Variants in CFAP44 observed in about 807,000 individuals in gnomAD.
CFAP44 encodes cilia- and flagella-associated protein 44.
CFAP44 carries 134 observed loss-of-function variants against 216.2 expected under a neutral mutation model. The observed-to-expected ratio is 0.62, with a 90% CI of 0.54 to 0.72. The LOEUF (loss-of-function observed/expected upper bound fraction) is 0.72. Ranked by LOEUF, CFAP44 falls within the 30% of genes least tolerant of loss-of-function variation. The probability of loss-of-function intolerance (pLI) is 0.00; values close to 1 mark genes in which losing one functional copy is unlikely to be tolerated. For missense variants in CFAP44, 2,035 were observed against 2,182.1 expected (o/e 0.93, Z 1.34); for synonymous variants, 700 against 727.6 (o/e 0.96, Z 0.61).
At chr3:113,414,852 G>T (rs893025446) in intron 6 of CFAP44, among the ~76,000 whole-genome samples, 3 of 152,116 alleles carry the variant, frequency 2.0e-5, no homozygotes, top group Non-Finnish European at 4.4e-5. Flanking sequence ...TCCGGTTTTG[G>T]TATCAGGATG....
intron 21 of CFAP44, 95 bp from the exon 22 acceptor site, chr3:113,358,970 C>T (rs2107308641): frequency 7.3e-7 from 1 of 1,374,374 alleles, no homozygotes; most frequent in East Asian, 2.6e-5. Flanking sequence ...TGCATCATAA[C>T]TCTTCCCCAA....
chr3:113,383,752 C>T (rs1426002389), intron 15 of CFAP44, among the ~76,000 whole-genome samples: 1 of 152,026 alleles, frequency 6.6e-6, no homozygotes, highest in Non-Finnish European at 1.5e-5. Context: ...AATAGCTGAC[C>T]TTTTTTAAAA....
At chr3:113,370,901 T>C (rs186000405) in intron 18 of CFAP44, among the ~76,000 whole-genome samples, 113 of 151,476 alleles carry the variant, frequency 7.5e-4, no homozygotes, top group South Asian at 1.7e-3. Context: ...ACAAAATCAA[T>C]GTACAAAAAT....
At chr3:113,366,350 GA>G in intron 18 of CFAP44, 41 bp from the exon 19 acceptor site, 1 of 1,569,222 alleles carries the variant, frequency 6.4e-7, no homozygotes, top group Non-Finnish European at 8.6e-7. Context: ...CCATTAATCT[GA>G]AAATAATGCT....
At chr3:113,320,776 G>A (rs1455888057) in intron 28 of CFAP44, among the ~76,000 whole-genome samples, 2 of 151,988 alleles carry the variant, frequency 1.3e-5, no homozygotes, top group Admixed American at 6.6e-5. Flanking sequence ...TAGGCTGGGA[G>A]GCTAGGCCAG....
At chr3:113,416,696 G>T (rs12630518) in intron 5 of CFAP44, 69 bp from the exon 6 acceptor site, 1 of 1,094,990 alleles carries the variant, frequency 9.1e-7, no homozygotes, top group Non-Finnish European at 1.3e-6. Context: ...GATTAATGCA[G>T]TATTTAGCAT....
chr3:113,352,201 ACTCTGTAAAATGGACCAATCAGCG>A (rs1302336820), intron 22 of CFAP44, among the ~76,000 whole-genome samples: 5 of 152,186 alleles, frequency 3.3e-5, no homozygotes, highest in East Asian at 3.8e-4. Context: ...CACAATCAGC[ACTCTGTAAAATGGACCAATCAGCG>A]CTCTGTAAAA....
At chr3:113,406,442 G>T (rs369011724) in intron 8 of CFAP44, among the ~76,000 whole-genome samples, 14 of 152,236 alleles carry the variant, frequency 9.2e-5, no homozygotes, top group African/African-American at 3.4e-4. Flanking sequence ...GGCTAACACG[G>T]TGAAACCCCG....
rs1317406866 is a variant in CFAP44 at position 113,416,606 on chromosome 3, A to C, written c.592T>G (p.Phe198Val). 6.2e-7 allele frequency: 1 copy of C among 1,611,038 alleles called. No individual in the cohort carries two copies. Among genetic ancestry groups the C allele is most frequent in the South Asian group, 1.1e-5 (1 of 90,718 alleles). Residue 198 changes from phenylalanine to valine, a missense_variant, in exon 6 of 35, where the codon TTC becomes GTC. By Grantham distance (50) the Phe-to-Val change is conservative. Around this residue, in one of 3 missense-constraint regions of CFAP44, gnomAD observed 1,883 missense variants for 2,023.7 expected, o/e 0.93. Transcript: ENST00000393845. ...VIGVHPHKTY[F>V]TVAEKGSFPD... is the part of the protein sequence containing the mutation. The stretch of plus-strand genomic sequence containing the variant: ...AAACTCCCTTTTTCAGCTACTGTGA[A>C]ATAAGTTTTATGTGGATGAACCTAC...
rs950534360 is a variant in CFAP44 at position 113,401,529 on chromosome 3, T to G, written c.1326+55A>C. ...GTAGCCAAATCAATCATACTACTAC[T>G]TTAATTTTTGGTCCATGTAATGTTA... On this transcript the variant is annotated intron_variant, in intron 10 of 34. Transcript: ENST00000393845. 1.7e-5 allele frequency: 27 copies of G among 1,595,364 alleles called. No individual in the cohort carries two copies. The Middle Eastern group carries it at 6.1e-4, about 36-fold the overall frequency.
At chr3:113,410,345 G>A (rs1262594833) in intron 6 of CFAP44, among the ~76,000 whole-genome samples, 1 of 151,938 alleles carries the variant, frequency 6.6e-6, no homozygotes, top group Non-Finnish European at 1.5e-5. Flanking sequence ...TCCCCTTCCT[G>A]TGTCCAAGTG....
chr3:113,327,766 C>G lies in CFAP44; in HGVS notation c.4170G>C (p.Gln1390His). ...TCATCTGAGTATCTAGTTTTAGTTT[C>G]TGATGTCTAAGGAGACGGAGTTCTG... ...FDAELRLLRH[Q>H]KLKLDTQMKL... The change falls in exon 27 of 35, where the codon CAG becomes CAC. Residue 1390 changes from glutamine (Q) to histidine (H), a missense_variant. Gln to His is a conservative substitution (Grantham distance 24). Around this residue, in one of 3 missense-constraint regions of CFAP44, gnomAD observed 1,883 missense variants for 2,023.7 expected, o/e 0.93. Coordinates refer to ENST00000393845, the MANE Select transcript of CFAP44 (RefSeq NM_001164496.2). 6.5e-7 allele frequency: 1 copy of G among 1,536,928 alleles called. No individual in the cohort carries two copies. Among genetic ancestry groups the G allele is most frequent in the Non-Finnish European group, 8.7e-7 (1 of 1,146,712 alleles).
At chr3:113,362,739 C>A in intron 21 of CFAP44, 2 of 345,112 alleles carry the variant, frequency 5.8e-6, no homozygotes, top group South Asian at 1.2e-4. Flanking sequence ...AGCAAAAGAT[C>A]AAATCGGGAT....
At chr3:113,345,551 A>G (rs1367861615) in intron 22 of CFAP44, among the ~76,000 whole-genome samples, 1 of 152,182 alleles carries the variant, frequency 6.6e-6, no homozygotes, top group Non-Finnish European at 1.5e-5. Flanking sequence ...ACATTTAATG[A>G]AAGTCCCAAT....
chr3:113,409,154 T>C lies in CFAP44; in HGVS notation c.842A>G (p.Asn281Ser). 3 of 1,614,110 alleles carry C rather than the reference T, an allele frequency of 1.9e-6. No homozygotes were observed. Among genetic ancestry groups the C allele is most frequent in the Non-Finnish European group, 2.5e-6 (3 of 1,180,016 alleles). ...AGTAAGCTGCTCTTCCTTATCAGGA[T>C]TGAAAGTAACCTTAAAAACTTCCTG... ...FSQEVFKVTF[N>S]PDKEEQLTTS... Residue 281 changes from asparagine to serine, a missense_variant, in exon 7 of 35, where the codon AAT becomes AGT. By Grantham distance (46) the Asn-to-Ser change is conservative (BLOSUM62 1). Around this residue, in one of 3 missense-constraint regions of CFAP44, gnomAD observed 1,883 missense variants for 2,023.7 expected, o/e 0.93. Coordinates refer to ENST00000393845, the MANE Select transcript of CFAP44 (RefSeq NM_001164496.2).
chr3:113,441,448 C>A lies in CFAP44; in HGVS notation c.-6+5G>T. The A allele has an allele frequency of 3.0e-6, 3 of 985,696 alleles. No homozygotes were observed. The highest frequency in any genetic ancestry group is 3.6e-6 in the Non-Finnish European group (3 of 830,190). The allele number at this position is 985,696 out of a possible 1,614,324, so 61.1% of individuals were successfully genotyped here. A position where few individuals can be genotyped will look rare whatever the true frequency, so the allele number is the denominator to read the frequency against. ...AAACTGCCGGCTGCTGAGGTCCAAACTCACCGAAGGTACTGACCGCCGCGG... is the reference window on the plus strand; with the variant it reads ...AAACTGCCGGCTGCTGAGGTCCAAAATCACCGAAGGTACTGACCGCCGCGG... On this transcript the variant is annotated splice_donor_5th_base_variant and intron_variant, in intron 1 of 34. Transcript: ENST00000393845.
At chr3:113,420,327 C>A in intron 4 of CFAP44, 148 bp from the exon 5 acceptor site, 1 of 764,650 alleles carries the variant, frequency 1.3e-6, no homozygotes, top group Non-Finnish European at 1.8e-6. Context: ...CATGATTTTT[C>A]TACATATTAC....
chr3:113,306,461 A>C, intron 29 of CFAP44, 130 bp from the exon 30 acceptor site: 1 of 1,052,984 alleles, frequency 9.5e-7, no homozygotes, highest in East Asian at 2.6e-5. Flanking sequence ...CTTTTAAGAC[A>C]CTTATGGCTT....
chr3:113,430,631 G>GA (rs1283749966), intron 2 of CFAP44, among the ~76,000 whole-genome samples: 1 of 152,112 alleles, frequency 6.6e-6, no homozygotes, highest in African/African-American at 2.4e-5. Flanking sequence ...CAAATTGCAT[G>GA]AAAGATACGA....
Sources: gnomAD v4.1 joint callset for allele counts (sites outside exome capture counted in the v4.1 genomes callset) on GRCh38, gnomAD v4.1.1 for gene constraint, gnomAD v4.1.1 regional missense constraint, MANE v1.5 for transcripts, NCBI Gene and HGNC (gene_info 2026-07-23, HGNC 2026-07-21) for gene names.